Variants in NAA11 observed in about 807,000 individuals in gnomAD.
NAA11 encodes the protein N-alpha-acetyltransferase 11.
NAA11 carries 15 observed loss-of-function variants against 16.1 expected under a neutral mutation model. The ratio of observed to expected loss-of-function variants is 0.93; its 90% CI spans 0.62 to 1.44. The LOEUF (loss-of-function observed/expected upper bound fraction) is 1.44. Ranked by LOEUF, NAA11 falls within the 40% of genes most tolerant of loss-of-function variation. The pLI, the probability that NAA11 is intolerant of heterozygous loss-of-function variation, is 0.00. For synonymous variants in NAA11, 122 were observed against 112.4 expected, an observed-to-expected ratio of 1.09 and a Z score of -0.54; for missense variants, 298 against 291.3, an observed-to-expected ratio of 1.02 and a Z score of -0.17.
chr4:79,202,932 G>C, the NAA11 span, among the ~76,000 whole-genome samples: 1 of 151,090 alleles, frequency 6.6e-6, no homozygotes, highest in East Asian at 2.0e-4. Context: ...TAGAATGTAG[G>C]TATGTTGAAA....
chr4:79,249,154 C>T (rs1016422323), intron 2 of NAA11, among the ~76,000 whole-genome samples: 1 of 152,192 alleles, frequency 6.6e-6, no homozygotes, highest in African/African-American at 2.4e-5. Context: ...GAACCCACCT[C>T]ATAAGGATGA....
At chr4:79,205,065 A>G in the NAA11 span, among the ~76,000 whole-genome samples, 1 of 151,894 alleles carries the variant, frequency 6.6e-6, no homozygotes, top group South Asian at 2.1e-4. Flanking sequence ...TCCACTTACC[A>G]GTTGATGGGA....
chr4:79,258,931 G>C (rs1198620262), intron 2 of NAA11: 1 of 216,458 alleles, frequency 4.6e-6, no homozygotes, highest in Non-Finnish European at 9.3e-6. Flanking sequence ...TCTCTGCTGA[G>C]AGCAGCAGAC....
chr4:79,174,010 A>G, the NAA11 span, among the ~76,000 whole-genome samples: 1 of 152,086 alleles, frequency 6.6e-6, no homozygotes, highest in Non-Finnish European at 1.5e-5. Flanking sequence ...TAAGACAGTC[A>G]GGGGGAGGGA....
At chr4:79,215,205 C>T in the NAA11 span, among the ~76,000 whole-genome samples, 1 of 152,084 alleles carries the variant, frequency 6.6e-6, no homozygotes, top group African/African-American at 2.4e-5. Context: ...GTCAATAGTC[C>T]TACTAAATAA....
Position 79,325,709 on chromosome 4 carries a change from G to C in NAA11, c.169C>G (p.Leu57Val), listed in dbSNP as rs1233718153. 1 of 1,614,086 alleles carries C rather than the reference G, an allele frequency of 6.2e-7. No individual in the cohort carries two copies. Among genetic ancestry groups the C allele is most frequent in the Non-Finnish European group, 8.5e-7 (1 of 1,180,034 alleles). Residue 57 changes from leucine to valine, a missense_variant, in exon 1 of 2, where the codon CTG becomes GTG. Coordinates refer to ENST00000286794, the MANE Select transcript of NAA11 (RefSeq NM_032693.3). ...TCTGGTTCCTCCTCCATTTTGGCCA[G>C]AACATAGCCCACAATCTTCCCGTCC... The part of the protein sequence containing the change: ...DEDGKIVGYV[L>V]AKMEEEPDDV...
downstream of NAA11, among the ~76,000 whole-genome samples, chr4:79,314,658 A>AAAAAAAAAAAAAAAAAAAAAAAAAAAAC: frequency 6.6e-6 from 1 of 150,788 alleles, no homozygotes; most frequent in Non-Finnish European, 1.5e-5. Flanking sequence ...AAAAAAAAAA[A>AAAAAAAAAAAAAAAAAAAAAAAAAAAAC]AAAAAAGACT....
chr4:79,297,626 G>T (rs1326369270), intron 1 of NAA11, among the ~76,000 whole-genome samples: 1 of 152,228 alleles, frequency 6.6e-6, no homozygotes, highest in Non-Finnish European at 1.5e-5. Flanking sequence ...ATCCAGGTGT[G>T]CACTCACTCG....
At chr4:79,219,446 T>C in the NAA11 span, among the ~76,000 whole-genome samples, 1 of 152,154 alleles carries the variant, frequency 6.6e-6, no homozygotes, top group Non-Finnish European at 1.5e-5. Flanking sequence ...AGAAAGCTGT[T>C]TTTTAATCCC....
chr4:79,268,641 G>C (rs1392750329), intron 2 of NAA11, among the ~76,000 whole-genome samples: 1 of 152,086 alleles, frequency 6.6e-6, no homozygotes, highest in African/African-American at 2.4e-5. Flanking sequence ...TCAAATGACT[G>C]CATAAGGAAT....
chr4:79,289,605 AT>A (rs1337249723), intron 2 of NAA11, among the ~76,000 whole-genome samples: 1 of 152,174 alleles, frequency 6.6e-6, no homozygotes, highest in Non-Finnish European at 1.5e-5. Context: ...CAATTTATAA[AT>A]AAATTGCTCA....
intron 2 of NAA11, among the ~76,000 whole-genome samples, chr4:79,269,916 C>T (rs1722451153): frequency 3.9e-5 from 6 of 152,008 alleles, no homozygotes; most frequent in Admixed American, 2.6e-4. Flanking sequence ...CAGCTTTCTC[C>T]ATATGGCTAG....
downstream of NAA11, among the ~76,000 whole-genome samples, chr4:79,223,243 C>G (rs1291033265): frequency 6.8e-6 from 1 of 147,938 alleles, no homozygotes; most frequent in African/African-American, 2.5e-5. Flanking sequence ...TTGGAACCAA[C>G]CCAAATGTCC....
the NAA11 span, among the ~76,000 whole-genome samples, chr4:79,167,993 G>T: frequency 6.6e-6 from 1 of 151,914 alleles, no homozygotes; most frequent in African/African-American, 2.4e-5. Flanking sequence ...TCTACATTAG[G>T]TATTTCTCCT....
the NAA11 span, among the ~76,000 whole-genome samples, chr4:79,214,730 A>G: frequency 6.6e-6 from 1 of 152,164 alleles, no homozygotes; most frequent in African/African-American, 2.4e-5. Flanking sequence ...ACCAGGAGGC[A>G]GAGCTTGCAG....
intron 1 of NAA11, among the ~76,000 whole-genome samples, chr4:79,295,188 T>G (rs183050097): frequency 1.3e-5 from 2 of 152,334 alleles, no homozygotes. Context: ...TCTTATTCTG[T>G]CTTAGGGAGT....
intron 2 of NAA11, among the ~76,000 whole-genome samples, chr4:79,269,801 G>A (rs1410928908): frequency 7.1e-6 from 1 of 141,746 alleles, no homozygotes; most frequent in Non-Finnish European, 1.5e-5. Context: ...GAATGGTAAT[G>A]CCTAGGTTTT....
At chr4:79,198,773 C>T in the NAA11 span, among the ~76,000 whole-genome samples, 1 of 151,884 alleles carries the variant, frequency 6.6e-6, no homozygotes, top group Non-Finnish European at 1.5e-5. Flanking sequence ...TACTTAAGAG[C>T]ATGTGCACAT....
At chr4:79,209,173 G>A in the NAA11 span, among the ~76,000 whole-genome samples, 2 of 152,060 alleles carry the variant, frequency 1.3e-5, no homozygotes, top group African/African-American at 2.4e-5. Context: ...CATTTCACAA[G>A]TCTTAACAGC....
Sources: allele counts gnomAD v4.1 joint callset (sites outside exome capture counted in the v4.1 genomes callset), GRCh38; gene constraint gnomAD v4.1.1; transcripts MANE v1.5; gene names NCBI Gene and HGNC (gene_info 2026-07-23, HGNC 2026-07-21).